Variants in SYT1 observed in about 807,000 individuals in gnomAD.
SYT1 encodes synaptotagmin 1.
SYT1 carries 8 observed loss-of-function variants against 44.8 expected under a neutral mutation model. The ratio of observed to expected loss-of-function variants is 0.18; its 90% CI spans 0.10 to 0.32. The LOEUF (loss-of-function observed/expected upper bound fraction) is 0.32, where lower values mean the gene tolerates loss of function less well. Among genes scored for constraint, SYT1 ranks in the 10% least tolerant of loss-of-function variants. SYT1 has a pLI of 1.00. For missense variants in SYT1, 286 were observed against 509.3 expected, an observed-to-expected ratio of 0.56 and a Z score of 4.22; for synonymous variants, 154 against 188.8, an observed-to-expected ratio of 0.82 and a Z score of 1.51.
intron 1 of SYT1, among the ~76,000 whole-genome samples, chr12:78,899,605 C>A (rs1875548597): frequency 6.9e-6 from 1 of 144,694 alleles, no homozygotes; most frequent in Non-Finnish European, 1.5e-5. Context: ...ATATTTTTCA[C>A]CTAAAAGAGT....
chr12:78,945,010 C>T (rs1878574138), intron 1 of SYT1, among the ~76,000 whole-genome samples: 1 of 152,130 alleles, frequency 6.6e-6, no homozygotes, highest in African/African-American at 2.4e-5. Context: ...AGAGCAATTT[C>T]CATTATTACA....
chr12:79,131,901 G>A (rs1868846177), intron 3 of SYT1, among the ~76,000 whole-genome samples: 1 of 152,168 alleles, frequency 6.6e-6, no homozygotes, highest in African/African-American at 2.4e-5. Context: ...GACAGAGGAG[G>A]CAGGAAGTTA....
chr12:79,336,249 A>G (rs948913195), intron 8 of SYT1, among the ~76,000 whole-genome samples: 5 of 152,278 alleles, frequency 3.3e-5, no homozygotes, highest in South Asian at 4.1e-4. Flanking sequence ...GTCCCTCTCC[A>G]GGCAACAGCT....
chr12:78,995,710 A>G (rs921639210), intron 2 of SYT1: 1 of 152,202 alleles, frequency 6.6e-6, no homozygotes, highest in Non-Finnish European at 1.5e-5. Flanking sequence ...TTGGTTCCCC[A>G]AGGTAGATTA....
intron 3 of SYT1, among the ~76,000 whole-genome samples, chr12:79,151,543 A>G (rs1870272865): frequency 6.6e-6 from 1 of 152,142 alleles, no homozygotes; most frequent in Admixed American, 6.5e-5. Context: ...TCAGGAGAAT[A>G]ATAAAAAACA....
chr12:79,075,125 A>G (rs1876555094), intron 3 of SYT1, among the ~76,000 whole-genome samples: 2 of 152,186 alleles, frequency 1.3e-5, no homozygotes, highest in Non-Finnish European at 2.9e-5. Context: ...CTTAACTAAT[A>G]TATGTCTAAT....
intron 9 of SYT1, among the ~76,000 whole-genome samples, chr12:79,365,087 T>C (rs1883485431): frequency 1.3e-5 from 2 of 152,116 alleles, no homozygotes; most frequent in South Asian, 4.1e-4. Flanking sequence ...CCCCCTCTAA[T>C]CCTTTCCCAT....
At chr12:78,985,883 C>A (rs1333310706) in intron 2 of SYT1, among the ~76,000 whole-genome samples, 1 of 151,892 alleles carries the variant, frequency 6.6e-6, no homozygotes, top group Admixed American at 6.6e-5. Flanking sequence ...GGAAAATGTT[C>A]ATTAATCTAT....
At chr12:79,091,863 G>T (rs1195171697) in intron 3 of SYT1, among the ~76,000 whole-genome samples, 3 of 151,858 alleles carry the variant, frequency 2.0e-5, no homozygotes, top group African/African-American at 7.2e-5. Context: ...TAATTTGTTT[G>T]CAAAATAAGT....
rs974613406 is a variant in SYT1, at chr12:79,172,246, A to G, written c.-17-45257A>G. 2.0e-5 allele frequency among the ~76,000 whole-genome samples: 3 copies of G among 151,954 alleles called. No individual in the cohort carries two copies. The East Asian group carries it at 5.8e-4, about 29-fold the overall frequency. Reference sequence around the variant, plus strand: ...TCATATTTTAAATTTTTTTCCAAACATAAAATGCATACATTGAATAACCTA... The same window carrying G: ...TCATATTTTAAATTTTTTTCCAAACGTAAAATGCATACATTGAATAACCTA... On this transcript the variant is annotated intron_variant, in intron 3 of 10. Transcript: ENST00000261205.
rs2272500 is a variant in SYT1, at chr12:79,292,133, C to A, written c.474+3C>A. Reference sequence around the variant, plus strand: ...ATTATGATTTCCAAAATAACCAGGTCTGAAGTGGAGAAATGTCTTCTAATT... The same window carrying A: ...ATTATGATTTCCAAAATAACCAGGTATGAAGTGGAGAAATGTCTTCTAATT... On this transcript the variant is annotated splice_donor_region_variant and intron_variant, in intron 6 of 10. Transcript: ENST00000261205. 0.36 allele frequency: 583,587 copies of A among 1,609,632 alleles called. 108,470 individuals carry two copies. The highest frequency in any genetic ancestry group is 0.58 in the East Asian group (26,032 of 44,824).
intron 1 of SYT1, among the ~76,000 whole-genome samples, chr12:78,877,581 T>G (rs1874240538): frequency 6.6e-6 from 1 of 151,838 alleles, no homozygotes; most frequent in Non-Finnish European, 1.5e-5. Context: ...TTTCTGATAC[T>G]TTTCAATTAT....
At chr12:78,938,170 C>T (rs1174784950) in intron 1 of SYT1, among the ~76,000 whole-genome samples, 2 of 152,062 alleles carry the variant, frequency 1.3e-5, no homozygotes, top group Non-Finnish European at 1.5e-5. Flanking sequence ...TCTCAGGGTC[C>T]CTCCTCTCCC....
chr12:79,444,538 C>G (rs1336446626), intron 10 of SYT1, among the ~76,000 whole-genome samples: 1 of 152,084 alleles, frequency 6.6e-6, no homozygotes, highest in Non-Finnish European at 1.5e-5. Context: ...ACTATTTACT[C>G]CCAGGCCATA....
At chr12:78,982,100 A>T (rs552951865) in intron 2 of SYT1, among the ~76,000 whole-genome samples, 11 of 152,284 alleles carry the variant, frequency 7.2e-5, no homozygotes, top group Non-Finnish European at 1.5e-4. Flanking sequence ...GAGATGGAAA[A>T]AATAGAACTA....
At chr12:79,442,528 G>T (rs1040747454) in intron 9 of SYT1, among the ~76,000 whole-genome samples, 1 of 152,108 alleles carries the variant, frequency 6.6e-6, no homozygotes, top group African/African-American at 2.4e-5. Flanking sequence ...ATATATCCTA[G>T]TAATGCAGTC....
At chr12:79,341,211 G>C (rs927622416) in intron 8 of SYT1, 1 of 152,278 alleles carries the variant, frequency 6.6e-6, no homozygotes, top group East Asian at 1.9e-4. Flanking sequence ...CTGTTTAGAA[G>C]TCATTTATTT....
At chr12:79,446,004 T>TAC (rs1257498731) in intron 10 of SYT1, among the ~76,000 whole-genome samples, 9 of 119,116 alleles carry the variant, frequency 7.6e-5, no homozygotes, top group African/African-American at 2.9e-4. Context: ...TATATATATA[T>TAC]ATATATATAT....
At chr12:79,074,183 G>T (rs946231670) in intron 3 of SYT1, among the ~76,000 whole-genome samples, 1 of 152,034 alleles carries the variant, frequency 6.6e-6, no homozygotes, top group African/African-American at 2.4e-5. Flanking sequence ...CCATATACAG[G>T]ACTTTAATAC....
Sources: gnomAD v4.1 joint callset for allele counts (sites outside exome capture counted in the v4.1 genomes callset) on GRCh38, gnomAD v4.1.1 for gene constraint, MANE v1.5 for transcripts, NCBI Gene and HGNC (gene_info 2026-07-23, HGNC 2026-07-21) for gene names.